DPP6: variants seen among roughly 807,000 people sequenced by gnomAD.
DPP6 encodes the protein A-type potassium channel modulatory protein DPP6.
A neutral mutation model predicts 122.6 loss-of-function variants in DPP6; 69 were observed. The observed-to-expected ratio is 0.56, with a 90% CI of 0.46 to 0.69. The LOEUF (loss-of-function observed/expected upper bound fraction) is 0.69, where lower values mean the gene tolerates loss of function less well. Ranked by LOEUF, DPP6 falls within the 30% of genes least tolerant of loss-of-function variation. DPP6 has a pLI of 0.00. For synonymous variants in DPP6, 418 were observed against 433.1 expected (o/e 0.97, Z 0.43); for missense variants, 928 against 1,116.9 (o/e 0.83, Z 2.41).
rs1795300299 is a variant in DPP6, at chr7:154,131,846, AAATTCT to A, written c.243+78788_243+78793del. On this transcript the variant is annotated intron_variant, in intron 1 of 25. Coordinates refer to ENST00000377770, the MANE Select transcript of DPP6 (RefSeq NM_130797.4). ...TAAACAATTTCATGAAACTCAACAT[AAATTCT>A]AATTATAATAGGAATAGTTGAATTC... Among the ~76,000 whole-genome samples, 4 of 152,168 alleles carry A rather than the reference AAATTCT, an allele frequency of 2.6e-5. No homozygotes were observed. The South Asian group carries it at 8.3e-4, about 31-fold the overall frequency.
intron 1 of DPP6, among the ~76,000 whole-genome samples, chr7:154,304,582 TCTCTCTC>T (rs894766314): frequency 1.3e-5 from 2 of 151,690 alleles, no homozygotes; most frequent in Non-Finnish European, 2.9e-5. Context: ...TTTTCCTCTC[TCTCTCTC>T]CCTGTCTTTC....
chr7:154,889,408 G>T (rs1806422584), intron 24 of DPP6, 49 bp from the exon 25 acceptor site: 1 of 1,601,666 alleles, frequency 6.2e-7, no homozygotes, highest in African/African-American at 1.4e-5. Context: ...ATGGCACCAT[G>T]GGTTTTAACA....
chr7:154,274,120 G>T (rs1464897147), intron 1 of DPP6, among the ~76,000 whole-genome samples: 1 of 152,170 alleles, frequency 6.6e-6, no homozygotes, highest in Non-Finnish European at 1.5e-5. Context: ...GGAGTCCTGA[G>T]AAATTGAGGT....
At chr7:154,823,706 A>G (rs7795325) in intron 16 of DPP6, among the ~76,000 whole-genome samples, 119,861 of 152,090 alleles carry the variant, frequency 0.79, 47,380 homozygotes, top group Non-Finnish European at 0.82. Flanking sequence ...TGATAGGCAC[A>G]TTTGTGTAGG....
Position 154,804,983 on chromosome 7 carries a change from GCA to G in DPP6, c.1547+24_1547+25del, listed in dbSNP as rs1563230487. The stretch of plus-strand genomic sequence containing the variant: ...TCTACAGGTAACTCCTGCTCCCCCT[GCA>G]CACAGGGCTCTCCCCCTTAGGAGGG... On this transcript the variant is annotated intron_variant, in intron 15 of 25. Coordinates refer to ENST00000377770, the MANE Select transcript of DPP6 (RefSeq NM_130797.4). 6.3e-7 allele frequency: 1 copy of G among 1,588,486 alleles called. No individual in the cohort carries two copies. Among genetic ancestry groups the G allele is most frequent in the East Asian group, 2.3e-5 (1 of 43,730 alleles).
intron 8 of DPP6, among the ~76,000 whole-genome samples, chr7:154,740,564 T>A (rs1842772474): frequency 6.6e-6 from 1 of 152,254 alleles, no homozygotes; most frequent in Non-Finnish European, 1.5e-5. Flanking sequence ...CAGATAATGC[T>A]AAACTCCTTT....
the DPP6 span, among the ~76,000 whole-genome samples, chr7:153,811,586 C>T: frequency 6.6e-6 from 1 of 152,100 alleles, no homozygotes; most frequent in Admixed American, 6.5e-5. Context: ...TGGAAGGCTG[C>T]CTGTGAGGAA....
At chr7:154,062,115 C>T (rs1242553734) in intron 1 of DPP6, among the ~76,000 whole-genome samples, 2 of 103,230 alleles carry the variant, frequency 1.9e-5, no homozygotes, top group Non-Finnish European at 4.2e-5. Flanking sequence ...ACGCACCCCC[C>T]GCGAGGCGGG....
intron 4 of DPP6, among the ~76,000 whole-genome samples, chr7:154,554,239 C>T (rs1394838294): frequency 6.6e-6 from 1 of 152,188 alleles, no homozygotes; most frequent in Non-Finnish European, 1.5e-5. Flanking sequence ...AGAATACAAT[C>T]ATCTATTTAT....
Position 154,474,417 on chromosome 7 carries a change from G to A in DPP6, c.359-522G>A, listed in dbSNP as rs189071074. Among the ~76,000 whole-genome samples, 27 of 152,320 alleles carry A rather than the reference G, an allele frequency of 1.8e-4. No individual in the cohort carries two copies. In the East Asian group the frequency reaches 5.2e-3, roughly 29 times the overall value. On this transcript the variant is annotated intron_variant, in intron 2 of 25. Coordinates refer to ENST00000377770, the MANE Select transcript of DPP6 (RefSeq NM_130797.4). Reference sequence around the variant, plus strand: ...GGTAGTCTGTGTACAGATAATTGGGGTTTGATCCTGTCTGAGCAAGAACTA... The same window carrying A: ...GGTAGTCTGTGTACAGATAATTGGGATTTGATCCTGTCTGAGCAAGAACTA...
intron 1 of DPP6, among the ~76,000 whole-genome samples, chr7:154,113,412 T>TATATATATATATATACACAC (rs1472172445): frequency 2.6e-4 from 37 of 141,702 alleles, no homozygotes; most frequent in African/African-American, 9.6e-4. Flanking sequence ...TATATATATA[T>TATATATATATATATACACAC]ACACACACAC....
chr7:154,884,659 TCACA>T (rs142417993), intron 21 of DPP6: 5 of 149,070 alleles, frequency 3.4e-5, no homozygotes, highest in East Asian at 2.0e-4. Context: ...CCATACATGC[TCACA>T]CACACACATG....
chr7:154,732,805 G>A (rs776373337), intron 8 of DPP6, among the ~76,000 whole-genome samples: 25 of 152,168 alleles, frequency 1.6e-4, no homozygotes, highest in African/African-American at 2.2e-4. Context: ...GCATTTCCCC[G>A]TGCATGTCAG....
At position 154,541,700 on chromosome 7, in the gene DPP6, T is replaced by A. The variant is rs1240170698; in HGVS notation, c.552+1074T>A. The stretch of plus-strand genomic sequence containing the variant: ...AGCAAGAATTGAAACAGGCTGTGAA[T>A]CCCGTTAAAGCGATCATAACAGGGC... On this transcript the variant is annotated intron_variant, in intron 4 of 25. Transcript: ENST00000377770. 2.0e-5 allele frequency among the ~76,000 whole-genome samples: 3 copies of A among 152,194 alleles called. No homozygotes were observed. The East Asian group carries it at 5.8e-4, about 29-fold the overall frequency.
chr7:154,189,999 A>T (rs1000826562), intron 1 of DPP6, among the ~76,000 whole-genome samples: 1 of 152,232 alleles, frequency 6.6e-6, no homozygotes, highest in Non-Finnish European at 1.5e-5. Flanking sequence ...TTTAACCAAC[A>T]GTCAAAAATT....
intron 1 of DPP6, among the ~76,000 whole-genome samples, chr7:153,906,195 T>C (rs572280556): frequency 1.3e-5 from 2 of 152,324 alleles, no homozygotes; most frequent in African/African-American, 4.8e-5. Flanking sequence ...GCATTCTTTA[T>C]TTTAATTAGT....
chr7:153,938,866 A>T (rs1801576134), intron 1 of DPP6, among the ~76,000 whole-genome samples: 1 of 152,230 alleles, frequency 6.6e-6, no homozygotes, highest in African/African-American at 2.4e-5. Flanking sequence ...GCTGAGTCTC[A>T]TCAGTGTGGT....
chr7:154,613,823 T>C (rs573594515), intron 5 of DPP6, among the ~76,000 whole-genome samples: 3 of 152,044 alleles, frequency 2.0e-5, no homozygotes. Context: ...GGGCCACCCA[T>C]TCCCCAAACG....
chr7:153,819,085 T>TTTG, the DPP6 span, among the ~76,000 whole-genome samples: 1 of 142,168 alleles, frequency 7.0e-6, no homozygotes, highest in East Asian at 2.0e-4. Flanking sequence ...TTCTTTTTTT[T>TTTG]TTTTTTTTAA....
Sources: gnomAD v4.1 joint callset for allele counts (sites outside exome capture counted in the v4.1 genomes callset) on GRCh38, gnomAD v4.1.1 for gene constraint, MANE v1.5 for transcripts, NCBI Gene and HGNC (gene_info 2026-07-23, HGNC 2026-07-21) for gene names.